CACNA1E: variants seen among roughly 807,000 people sequenced by gnomAD.
CACNA1E encodes voltage-dependent R-type calcium channel subunit alpha-1E.
A neutral mutation model predicts 259.2 loss-of-function variants in CACNA1E; 40 were observed. That is an observed-to-expected ratio of 0.15 (90% CI 0.12 to 0.20). The LOEUF (loss-of-function observed/expected upper bound fraction) is 0.20, where lower values mean the gene tolerates loss of function less well. Ranked by LOEUF, CACNA1E falls within the 10% of genes least tolerant of loss-of-function variation. The pLI is 1.00. For synonymous variants in CACNA1E, 1,104 were observed against 1,138.5 expected (o/e 0.97, Z 0.61); for missense variants, 1,874 against 3,040.1 (o/e 0.62, Z 9.02).
At chr1:181,731,935 C>T (rs765831912) in intron 19 of CACNA1E, among the ~76,000 whole-genome samples, 4 of 151,912 alleles carry the variant, frequency 2.6e-5, no homozygotes, top group Non-Finnish European at 4.4e-5. Flanking sequence ...CTCATTATCC[C>T]GGGCTGTAAC....
chr1:181,344,827 T>C (rs1022822974), intron 1 of CACNA1E, among the ~76,000 whole-genome samples: 1 of 152,226 alleles, frequency 6.6e-6, no homozygotes, highest in African/African-American at 2.4e-5. Flanking sequence ...TTTCTTTTAA[T>C]TACCTGCTGG....
chr1:181,772,983 A>G (rs970188475), intron 37 of CACNA1E, among the ~76,000 whole-genome samples: 1 of 152,180 alleles, frequency 6.6e-6, no homozygotes, highest in Non-Finnish European at 1.5e-5. Context: ...GATAAATAGA[A>G]TAATAAAAGG....
At chr1:181,771,237 G>T (rs958784790) in intron 35 of CACNA1E, 56 bp from the exon 36 acceptor site, 18 of 995,396 alleles carry the variant, frequency 1.8e-5, no homozygotes, top group Non-Finnish European at 1.6e-6. Context: ...CTCATGTGCT[G>T]GACACATCAC....
rs1388165575 is a variant in CACNA1E, at chr1:181,739,865, T to C, written c.3719+612T>C. On this transcript the variant is annotated intron_variant, in intron 25 of 47. Transcript: ENST00000367573. The stretch of plus-strand genomic sequence containing the variant: ...TTAAACCATTCAGGCAACAAAATCA[T>C]GTTCATAATATTTGTGGGATTTTTT... Among the ~76,000 whole-genome samples, 54 of 152,172 alleles carry C rather than the reference T, an allele frequency of 3.5e-4. 1 individual carries two copies. Among genetic ancestry groups the C allele is most frequent in the Admixed American group, 3.4e-3 (52 of 15,282 alleles).
intron 1 of CACNA1E, among the ~76,000 whole-genome samples, chr1:181,390,730 C>T (rs1006057494): frequency 6.6e-6 from 1 of 152,136 alleles, no homozygotes; most frequent in Non-Finnish European, 1.5e-5. Flanking sequence ...CATCCTAGAA[C>T]CGTAAATGCT....
At chr1:181,433,943 T>C (rs146658237) in intron 2 of CACNA1E, among the ~76,000 whole-genome samples, 47 of 152,314 alleles carry the variant, frequency 3.1e-4, no homozygotes, top group Admixed American at 2.4e-3. Context: ...TAAAAAGCAA[T>C]AGCCAAATGT....
Position 181,721,829 on chromosome 1 carries a change from C to T in CACNA1E, c.2028C>T (p.Gly676=). 6.2e-7 allele frequency: 1 copy of T among 1,613,376 alleles called. No individual in the cohort carries two copies. The highest frequency in any genetic ancestry group is 8.5e-7 in the Non-Finnish European group (1 of 1,179,388). ...GIRSQGGVSS[G]MWSAIYFIVL... is the part of the protein sequence containing the mutation. The stretch of plus-strand genomic sequence containing the variant: ...GCTCCCAGGGTGGGGTCAGCTCAGG[C>T]ATGTGGTCTGCCATCTACTTCATTG... The change falls in exon 16 of 48, where the codon GGC becomes GGT. Residue 676 remains glycine (G), a synonymous_variant. Coordinates refer to ENST00000367573, the MANE Select transcript of CACNA1E (RefSeq NM_001205293.3).
chr1:181,390,412 A>G (rs1450559270), intron 1 of CACNA1E, among the ~76,000 whole-genome samples: 1 of 152,126 alleles, frequency 6.6e-6, no homozygotes, highest in African/African-American at 2.4e-5. Flanking sequence ...TTGCTTGGTC[A>G]TGACAGCTTG....
intron 7 of CACNA1E, among the ~76,000 whole-genome samples, chr1:181,686,435 C>A (rs895748930): frequency 3.3e-5 from 5 of 151,610 alleles, no homozygotes; most frequent in African/African-American, 1.2e-4. Flanking sequence ...TACAGGCATG[C>A]GCCACCATGC....
At chr1:181,482,216 C>G (rs1663319193), upstream of CACNA1E, among the ~76,000 whole-genome samples, 1 of 152,204 alleles carries the variant, frequency 6.6e-6, no homozygotes, top group Non-Finnish European at 1.5e-5. Context: ...AGCGGCGACG[C>G]GGCCATGGCG....
Position 181,736,453 on chromosome 1 carries a change from G to C in CACNA1E, c.3422+19G>C. The C allele has an allele frequency of 6.2e-7, 1 of 1,605,370 alleles. No individual in the cohort carries two copies. Among genetic ancestry groups the C allele is most frequent in the Non-Finnish European group, 8.5e-7 (1 of 1,175,516 alleles). ...CCAACCCGTAAGCCACCCTCGCGTTGCTCCCTCTTTAGTGCTAGGGTAAAC... is the reference window on the plus strand; with the variant it reads ...CCAACCCGTAAGCCACCCTCGCGTTCCTCCCTCTTTAGTGCTAGGGTAAAC... On this transcript the variant is annotated intron_variant, in intron 22 of 47. Transcript: ENST00000367573.
Position 181,485,436 on chromosome 1 carries a change from G to C in CACNA1E, c.266+1426G>C, listed in dbSNP as rs1663718702. Among the ~76,000 whole-genome samples the C allele has an allele frequency of 6.6e-6, 1 of 152,158 alleles. No homozygotes were observed. Among genetic ancestry groups the C allele is most frequent in the African/African-American group, 2.4e-5 (1 of 41,418 alleles). On this transcript the variant is annotated intron_variant, in intron 1 of 47. Coordinates refer to ENST00000367573, the MANE Select transcript of CACNA1E (RefSeq NM_001205293.3). The surrounding 1 kb of genome is among the most constrained non-coding windows in gnomAD (Gnocchi z 4.2). Reference sequence around the variant, plus strand: ...CAGCACCCCCTCATTAGAAACGAAGGAGCATCTCTAAGCAGATATTCTTCC... The same window carrying C: ...CAGCACCCCCTCATTAGAAACGAAGCAGCATCTCTAAGCAGATATTCTTCC...
chr1:181,737,579 C>T lies in CACNA1E; in HGVS notation c.3477C>T (p.Ile1159=), dbSNP rs1170494441. 6.2e-7 allele frequency: 1 copy of T among 1,613,990 alleles called. No individual in the cohort carries two copies. Among genetic ancestry groups the T allele is most frequent in the South Asian group, 1.1e-5 (1 of 91,080 alleles). ...IVNLRYFEMC[I]LLVIAASSIA... is the part of the protein sequence containing the mutation. ...ACCTGCGCTACTTTGAGATGTGCAT[C>T]CTCCTGGTGATTGCAGCCAGCAGCA... Residue 1159 remains isoleucine, a synonymous_variant, in exon 23 of 48, where the codon ATC becomes ATT. Transcript: ENST00000367573.
intron 7 of CACNA1E, among the ~76,000 whole-genome samples, chr1:181,710,685 A>G (rs1407851280): frequency 1.3e-5 from 2 of 152,224 alleles, no homozygotes; most frequent in Non-Finnish European, 2.9e-5. Flanking sequence ...TCACATGGCT[A>G]AGAACATACC....
intron 2 of CACNA1E, among the ~76,000 whole-genome samples, chr1:181,442,220 T>G: frequency 2.0e-5 from 2 of 98,908 alleles, no homozygotes; most frequent in African/African-American, 1.1e-4. Context: ...GGCACAGGTA[T>G]GGGGGCATAA....
intron 1 of CACNA1E, among the ~76,000 whole-genome samples, chr1:181,345,446 G>T (rs572248704): frequency 6.6e-6 from 1 of 152,164 alleles, no homozygotes; most frequent in Non-Finnish European, 1.5e-5. Context: ...TGAGTTGGGG[G>T]GCCAGGGGGC....
intron 3 of CACNA1E, among the ~76,000 whole-genome samples, chr1:181,544,984 T>C (rs1011483688): frequency 1.3e-5 from 2 of 152,226 alleles, no homozygotes; most frequent in Non-Finnish European, 2.9e-5. Context: ...GAGGTTCTTG[T>C]TTAAAATGAA....
chr1:181,482,204 G>A (rs1205718233), upstream of CACNA1E, among the ~76,000 whole-genome samples: 2 of 152,244 alleles, frequency 1.3e-5, no homozygotes, highest in Non-Finnish European at 2.9e-5. Context: ...GAGGTGCGGA[G>A]GAGCGGCGAC....
chr1:181,545,656 G>A (rs1307649916), intron 3 of CACNA1E, among the ~76,000 whole-genome samples: 1 of 152,198 alleles, frequency 6.6e-6, no homozygotes, highest in Non-Finnish European at 1.5e-5. Context: ...AAGAGAGGAG[G>A]CACGAGGAAA....
Sources: gnomAD v4.1 joint callset for allele counts (sites outside exome capture counted in the v4.1 genomes callset) on GRCh38, gnomAD v4.1.1 for gene constraint, Gnocchi (gnomAD v3.1) non-coding constraint, MANE v1.5 for transcripts, NCBI Gene and HGNC (gene_info 2026-07-23, HGNC 2026-07-21) for gene names.